Variants in GABRB2 observed in about 807,000 individuals in gnomAD.
The protein encoded by GABRB2 is gamma-aminobutyric acid receptor subunit beta-2.
In GABRB2, 16 loss-of-function variants were observed where a neutral mutation model predicts 54.7. The observed-to-expected ratio is 0.29, with a 90% CI of 0.20 to 0.44. The LOEUF (loss-of-function observed/expected upper bound fraction) is 0.44. Among genes scored for constraint, GABRB2 ranks in the 20% least tolerant of loss-of-function variants. The pLI is 1.00. For missense variants in GABRB2, 355 were observed against 644.0 expected (o/e 0.55, Z 4.86); for synonymous variants, 244 against 233.8 (o/e 1.04, Z -0.40).
intron 9 of GABRB2, among the ~76,000 whole-genome samples, chr5:161,318,049 C>A (rs1758095545): frequency 6.6e-6 from 1 of 151,568 alleles, no homozygotes; most frequent in Admixed American, 6.6e-5. Context: ...TGTTTTTTTT[C>A]TCAGGAAGAT....
chr5:161,488,097 T>C (rs6898751), intron 3 of GABRB2, among the ~76,000 whole-genome samples: 25 of 152,004 alleles, frequency 1.6e-4, no homozygotes, highest in African/African-American at 6.0e-4. Flanking sequence ...TTGTTCCTCC[T>C]CTATGGCTTT....
chr5:161,529,213 T>C (rs896287437), intron 3 of GABRB2, among the ~76,000 whole-genome samples: 1 of 151,960 alleles, frequency 6.6e-6, no homozygotes, highest in Non-Finnish European at 1.5e-5. Flanking sequence ...TAATTACTAG[T>C]TGACTTAATT....
At chr5:161,406,648 A>G (rs1756355854) in intron 5 of GABRB2, among the ~76,000 whole-genome samples, 1 of 151,956 alleles carries the variant, frequency 6.6e-6, no homozygotes, top group Admixed American at 6.6e-5. Flanking sequence ...TGTGTTAGGT[A>G]TTATTTCCAT....
Position 161,355,397 on chromosome 5 carries a change from A to AC in GABRB2, c.542-18629dup, listed in dbSNP as rs375859678. Among the ~76,000 whole-genome samples, 946 of 150,010 alleles carry AC rather than the reference A, an allele frequency of 6.3e-3. 10 individuals are homozygous for AC. Among genetic ancestry groups the AC allele is most frequent in the African/African-American group, 0.022 (896 of 41,192 alleles). ...ATATAATGATGTCATAACAACTGTC[A>AC]CAGTTGTGTATATATAACATATATA... is the stretch of plus-strand genomic sequence containing the variant. On this transcript the variant is annotated intron_variant, in intron 5 of 9. Transcript: ENST00000393959.
At chr5:161,515,494 ATT>A (rs1759913126) in intron 3 of GABRB2, among the ~76,000 whole-genome samples, 1 of 152,044 alleles carries the variant, frequency 6.6e-6, no homozygotes, top group Non-Finnish European at 1.5e-5. Flanking sequence ...AAGCACTTTA[ATT>A]AGCTAAAAAG....
rs1753809964 is a variant in GABRB2 at position 161,330,651 on chromosome 5, C to A, written c.1077+232G>T. ...ATATGTGAGAAAGCATCATAAAGGTCTTCTCATGTTTGGTCACTCCTCTTG... is the reference window on the plus strand; with the variant it reads ...ATATGTGAGAAAGCATCATAAAGGTATTCTCATGTTTGGTCACTCCTCTTG... On this transcript the variant is annotated intron_variant, in intron 8 of 9. Coordinates refer to ENST00000393959, the MANE Select transcript of GABRB2 (RefSeq NM_001371727.1). 1.3e-5 allele frequency: 7 copies of A among 532,392 alleles called. No homozygotes were observed. In the East Asian group the frequency reaches 2.2e-4, roughly 16 times the overall value. 33.0% of individuals were successfully genotyped at this position (532,392 alleles called of 1,614,324 possible).
At chr5:161,507,919 A>G (rs1759657017) in intron 3 of GABRB2, among the ~76,000 whole-genome samples, 1 of 152,016 alleles carries the variant, frequency 6.6e-6, no homozygotes, top group African/African-American at 2.4e-5. Context: ...AAATGAAGGG[A>G]CCATTTTGAA....
chr5:161,414,773 A>T (rs1003368653), intron 4 of GABRB2, among the ~76,000 whole-genome samples: 3 of 151,724 alleles, frequency 2.0e-5, no homozygotes, highest in Non-Finnish European at 4.4e-5. Context: ...AACAATAAAT[A>T]AAACAAAGGG....
chr5:161,338,926 C>T (rs373674460), intron 5 of GABRB2, among the ~76,000 whole-genome samples: 5 of 152,284 alleles, frequency 3.3e-5, no homozygotes, highest in African/African-American at 1.2e-4. Context: ...TCTACCCAAT[C>T]CTGAGACATG....
At chr5:161,546,231 C>T in intron 2 of GABRB2, 91 bp downstream of exon 2, 1 of 1,002,702 alleles carries the variant, frequency 1.0e-6, no homozygotes, top group South Asian at 1.3e-5. Flanking sequence ...ACCACATGCA[C>T]CCACAACTAG....
rs1390453850 is a variant in GABRB2 at position 161,411,059 on chromosome 5, T to C, written c.459-2A>G. 6.2e-7 allele frequency: 1 copy of C among 1,611,688 alleles called. No homozygotes were observed. ...ATGCAGGCAGCTGTGGTTGTGATTC[T>C]AGAAGACAAATAGCAATGATGAGTG... is the stretch of plus-strand genomic sequence containing the variant. On this transcript the variant is annotated splice_acceptor_variant, in intron 4 of 9. Coordinates refer to ENST00000393959, the MANE Select transcript of GABRB2 (RefSeq NM_001371727.1). LOFTEE classifies it high-confidence loss of function.
At position 161,470,901 on chromosome 5, in the gene GABRB2, C is replaced by A. The variant is rs578083394; in HGVS notation, c.238-11057G>T. On this transcript the variant is annotated intron_variant, in intron 3 of 9. Coordinates refer to ENST00000393959, the MANE Select transcript of GABRB2 (RefSeq NM_001371727.1). ...TGATCCAGGCGTCTTATCTTTAACA[C>A]AGGTGACCCTTCATGAGTATTTCTT... is the stretch of plus-strand genomic sequence containing the variant. 3.3e-5 allele frequency among the ~76,000 whole-genome samples: 5 copies of A among 152,082 alleles called. No homozygotes were observed. In the South Asian group the frequency reaches 1.0e-3, roughly 32 times the overall value.
intron 5 of GABRB2, among the ~76,000 whole-genome samples, chr5:161,363,531 A>G (rs1233218094): frequency 6.9e-6 from 1 of 145,324 alleles, no homozygotes; most frequent in Non-Finnish European, 1.6e-5. Context: ...GTATAATAAA[A>G]AAATTAATTT....
At chr5:161,309,692 G>A (rs940434580) in intron 9 of GABRB2, among the ~76,000 whole-genome samples, 2 of 151,016 alleles carry the variant, frequency 1.3e-5, no homozygotes, top group Non-Finnish European at 2.9e-5. Flanking sequence ...GTGCAGTGGC[G>A]TGATCTCGGC....
intron 5 of GABRB2, among the ~76,000 whole-genome samples, chr5:161,376,426 A>G (rs902703175): frequency 2.0e-5 from 3 of 152,160 alleles, no homozygotes; most frequent in Non-Finnish European, 2.9e-5. Flanking sequence ...AAGGTCCATC[A>G]GAGGTAAAGT....
At chr5:161,418,201 T>G (rs1191077182) in intron 4 of GABRB2, among the ~76,000 whole-genome samples, 2 of 152,228 alleles carry the variant, frequency 1.3e-5, no homozygotes, top group African/African-American at 4.8e-5. Flanking sequence ...AATCTCATTT[T>G]TGTGAGCATA....
At chr5:161,300,912 TAGAC>T (rs1468145532) in intron 9 of GABRB2, among the ~76,000 whole-genome samples, 1 of 152,176 alleles carries the variant, frequency 6.6e-6, no homozygotes, top group African/African-American at 2.4e-5. Context: ...ACAGCTTTCA[TAGAC>T]AGAGAACAAC....
At chr5:161,387,914 G>A (rs1352441511) in intron 5 of GABRB2, among the ~76,000 whole-genome samples, 3 of 151,962 alleles carry the variant, frequency 2.0e-5, no homozygotes, top group Admixed American at 2.0e-4. Flanking sequence ...ACAGTTTTAA[G>A]GATTTAATTT....
At chr5:161,546,846 A>G (rs1195680126), upstream of GABRB2, 3 of 1,114,708 alleles carry the variant, frequency 2.7e-6, no homozygotes, top group Middle Eastern at 3.1e-4. Flanking sequence ...AAAAACATGT[A>G]TATGTATAAT....
Sources: allele counts gnomAD v4.1 joint callset (sites outside exome capture counted in the v4.1 genomes callset), GRCh38; gene constraint gnomAD v4.1.1; transcripts MANE v1.5; gene names NCBI Gene and HGNC (gene_info 2026-07-23, HGNC 2026-07-21).